Variants in ZNF142 observed in about 807,000 individuals in gnomAD.
ZNF142 encodes the protein zinc finger protein 142 (clone pHZ-49).
A neutral mutation model predicts 132.1 loss-of-function variants in ZNF142; 96 were observed. The observed-to-expected ratio is 0.73, with a 90% CI of 0.62 to 0.86. ZNF142 has a LOEUF of 0.86. Ranked by LOEUF, ZNF142 falls within the 40% of genes least tolerant of loss-of-function variation. ZNF142 has a pLI of 0.00. For synonymous variants in ZNF142, 842 were observed against 890.1 expected, an observed-to-expected ratio of 0.95 and a Z score of 0.96; for missense variants, 2,163 against 2,336.2, an observed-to-expected ratio of 0.93 and a Z score of 1.53.
Position 218,642,174 on chromosome 2 carries a change from C to T in ZNF142, c.4942G>A (p.Gly1648Ser), listed in dbSNP as rs1447064197. The T allele has an allele frequency of 1.9e-6, 3 of 1,614,172 alleles. No individual in the cohort carries two copies. Among genetic ancestry groups the T allele is most frequent in the East Asian group, 2.2e-5 (1 of 44,880 alleles). Residue 1648 changes from glycine (G) to serine (S), a missense_variant, in exon 9 of 11, where the codon GGC becomes AGC. Coordinates refer to ENST00000411696, the MANE Select transcript of ZNF142 (RefSeq NM_001379659.1). The surrounding 1 kb of genome is among the most constrained non-coding windows in gnomAD (Gnocchi z 4.6). The stretch of plus-strand genomic sequence containing the variant: ...TCGGTGCACTTGTAGAGACGAGTGC[C>T]CCCATGCCCTTTCACATGGTGATCT... ...VLDHHVKGHG[G>S]TRLYKCTDCA...
At chr2:218,650,565 A>G in intron 5 of ZNF142, 39 bp from the exon 6 acceptor site, 1 of 1,511,556 alleles carries the variant, frequency 6.6e-7, no homozygotes, top group Non-Finnish European at 8.8e-7. Context: ...TACAGGAGCC[A>G]ATAACAGCAC....
Position 218,643,170 on chromosome 2 carries a change from C to T in ZNF142, c.3946G>A (p.Glu1316Lys). 2 of 1,614,246 alleles carry T rather than the reference C, an allele frequency of 1.2e-6. No individual in the cohort carries two copies. The highest frequency in any genetic ancestry group is 1.7e-6 in the Non-Finnish European group (2 of 1,180,036). The stretch of plus-strand genomic sequence containing the variant: ...ATCTGGTGAGTCCTCAGAGCCCGTT[C>T]CTGCTGGCAGCTAAAGGGACATGTA... ...CPTCPFSCQQ[E>K]RALRTHQIRG... Residue 1316 changes from glutamate to lysine, a missense_variant, in exon 9 of 11, where the codon GAA (glutamate) becomes AAA (lysine). Coordinates refer to ENST00000411696, the MANE Select transcript of ZNF142 (RefSeq NM_001379659.1).
Position 218,642,824 on chromosome 2 carries a change from C to A in ZNF142, c.4292G>T (p.Ser1431Ile). The change falls in exon 9 of 11, where the codon AGC becomes ATC. Residue 1431 changes from serine (S) to isoleucine (I), a missense_variant. Transcript: ENST00000411696. The surrounding 1 kb of genome is among the most constrained non-coding windows in gnomAD (Gnocchi z 4.6). Reference protein sequence around the residue: ...RHTGIGRIPCSSCPQTFGTNS... With the variant: ...RHTGIGRIPCISCPQTFGTNS... ...GGTACCAAACGTCTGGGGGCAAGAG[C>A]TGCAGGGGATGCGGCCAATGCCTGT... is the stretch of plus-strand genomic sequence containing the variant. 1.9e-6 allele frequency: 3 copies of A among 1,614,190 alleles called. No homozygotes were observed. The highest frequency in any genetic ancestry group is 2.5e-6 in the Non-Finnish European group (3 of 1,180,044).
intron 4 of ZNF142, among the ~76,000 whole-genome samples, chr2:218,653,407 G>C: frequency 6.6e-6 from 1 of 151,496 alleles, no homozygotes; most frequent in Non-Finnish European, 1.5e-5. Flanking sequence ...GCGAAACCCC[G>C]TCTCTACTAA....
chr2:218,655,773 A>T (rs1013564958), intron 4 of ZNF142, among the ~76,000 whole-genome samples: 1 of 152,194 alleles, frequency 6.6e-6, no homozygotes. Flanking sequence ...GGTGGTAGAG[A>T]CAGGGTTTTT....
rs1275178693 is a variant in ZNF142, at chr2:218,649,274, G to A, written c.1234C>T (p.Arg412Trp). ...SKSKLKTHLL[R>W]ELGEKAHHCP... The stretch of plus-strand genomic sequence containing the variant: ...TGGTGGGCCTTTTCACCCAGCTCCC[G>A]CAGCAGATGGGTCTTGAGCTTGCTC... The change falls in exon 7 of 11, where the codon CGG becomes TGG. Residue 412 changes from arginine (R) to tryptophan (W), a missense_variant. Coordinates refer to ENST00000411696, the MANE Select transcript of ZNF142 (RefSeq NM_001379659.1). The A allele has an allele frequency of 7.4e-6, 12 of 1,614,126 alleles. No homozygotes were observed. Among genetic ancestry groups the A allele is most frequent in the East Asian group, 2.2e-5 (1 of 44,896 alleles).
chr2:218,644,093 C>T lies in ZNF142; in HGVS notation c.3023G>A (p.Arg1008Lys), dbSNP rs1338927811. 1.2e-6 allele frequency: 2 copies of T among 1,614,108 alleles called. No homozygotes were observed. Among genetic ancestry groups the T allele is most frequent in the Non-Finnish European group, 1.7e-6 (2 of 1,180,006 alleles). Residue 1008 changes from arginine (R) to lysine (K), a missense_variant, in exon 9 of 11, where the codon AGG becomes AAG. This residue lies in a region of ZNF142 where 809 missense variants were observed against 801.7 expected (regional missense o/e 1.01). Transcript: ENST00000411696. The surrounding 1 kb of genome is among the most constrained non-coding windows in gnomAD (Gnocchi z 4.6). ...PESESLLKALRRQDKEQAEAL... is the reference protein window; with the variant it reads ...PESESLLKALKRQDKEQAEAL... The stretch of plus-strand genomic sequence containing the variant: ...CTCTGCTTGTTCTTTGTCCTGTCTC[C>T]TTAGGGCCTTGAGTAATGACTCTGA...
Position 218,649,048 on chromosome 2 carries a change from CG to C in ZNF142, c.1459del (p.Arg487AlafsTer21). The part of the protein sequence containing the change: ...AAAAAEPLPL[R>X]CFQEGCSYAA... ...ATAGCTGCAGCCCTCCTGAAAGCAGCGAAGGGGTAATGGCTCTGCTGCGGCT... is the reference window on the plus strand; with the variant it reads ...ATAGCTGCAGCCCTCCTGAAAGCAGCAAGGGGTAATGGCTCTGCTGCGGCT... On this transcript the variant is annotated frameshift_variant, in exon 7 of 11. Transcript: ENST00000411696. LOFTEE classifies it high-confidence loss of function. 1.9e-6 allele frequency: 3 copies of C among 1,613,518 alleles called. No homozygotes were observed. The highest frequency in any genetic ancestry group is 2.5e-6 in the Non-Finnish European group (3 of 1,180,044).
rs376830215 is a variant in ZNF142 at position 218,649,049 on chromosome 2, G to A, written c.1459C>T (p.Arg487Cys). ...AAAAAEPLPL[R>C]CFQEGCSYAA... ...TAGCTGCAGCCCTCCTGAAAGCAGC[G>A]AAGGGGTAATGGCTCTGCTGCGGCT... The change falls in exon 7 of 11, where the codon CGC becomes TGC. Residue 487 changes from arginine to cysteine, a missense_variant. By Grantham distance (180) the Arg-to-Cys change is radical. Coordinates refer to ENST00000411696, the MANE Select transcript of ZNF142 (RefSeq NM_001379659.1). 75 of 1,613,614 alleles carry A rather than the reference G, an allele frequency of 4.6e-5. No individual in the cohort carries two copies. Among genetic ancestry groups the A allele is most frequent in the Admixed American group, 4.2e-4 (25 of 60,034 alleles).
At position 218,643,239 on chromosome 2, in the gene ZNF142, T is replaced by C. The variant is rs1296652962; in HGVS notation, c.3877A>G (p.Thr1293Ala). The C allele has an allele frequency of 1.2e-6, 2 of 1,614,100 alleles. No individual in the cohort carries two copies. The highest frequency in any genetic ancestry group is 1.3e-5 in the African/African-American group (1 of 74,946). The change falls in exon 9 of 11, where the codon ACA becomes GCA. Residue 1293 changes from threonine (T) to alanine (A), a missense_variant. This residue lies in a region of ZNF142 where 809 missense variants were observed against 801.7 expected (regional missense o/e 1.01). Transcript: ENST00000411696. ...STESSSGDGD[T>A]VLVQKQKGAR... is the part of the protein sequence containing the mutation. ...CCCTTCTGCTTTTGAACCAGAACTG[T>C]ATCCCCATCACCAGAGCTGGACTCT...
rs930757480 is a variant in ZNF142 at position 218,636,009 on chromosome 2, T to C, written c.*2330A>G. The C allele has an allele frequency of 1.3e-6, 2 of 1,594,288 alleles. No homozygotes were observed. Among genetic ancestry groups the C allele is most frequent in the African/African-American group, 2.7e-5 (2 of 74,652 alleles). ...CTTCTAGTCTGTCTTCCATTAAGTA[T>C]AGCATCTGTTATTGCATGTCCCCAC... On this transcript the variant is annotated 3_prime_UTR_variant, in exon 11 of 11. Transcript: ENST00000411696.
chr2:218,633,557 C>G lies in ZNF142; in HGVS notation c.*4782G>C. ...TTGGATGGCCATTATCTTCTTCTCT[C>G]TCAGACTGCTGAGGGTTCAATTCCA... On this transcript the variant is annotated 3_prime_UTR_variant, in exon 11 of 11. Transcript: ENST00000411696. The G allele has an allele frequency of 6.3e-7, 1 of 1,589,192 alleles. No homozygotes were observed. The highest frequency in any genetic ancestry group is 8.6e-7 in the Non-Finnish European group (1 of 1,157,590).
chr2:218,640,061 CAAAAAA>C (rs35136548), intron 10 of ZNF142, among the ~76,000 whole-genome samples: 19 of 44,332 alleles, frequency 4.3e-4, no homozygotes, highest in East Asian at 3.0e-3. Flanking sequence ...GACTCTGTCT[CAAAAAA>C]AAAAAAAAAA....
intron 3 of ZNF142, among the ~76,000 whole-genome samples, chr2:218,658,183 A>G (rs556560215): frequency 2.0e-5 from 3 of 152,226 alleles, no homozygotes; most frequent in African/African-American, 7.2e-5. Flanking sequence ...TTAGTAATTA[A>G]TAAGAATGAT....
Position 218,642,161 on chromosome 2 carries a change from T to C in ZNF142, c.4955A>G (p.Tyr1652Cys). ...GCTGTAAGCACAATCGGTGCACTTG[T>C]AGAGACGAGTGCCCCCATGCCCTTT... The part of the protein sequence containing the change: ...HVKGHGGTRL[Y>C]KCTDCAYSTK... The change falls in exon 9 of 11, where the codon TAC becomes TGC. Residue 1652 changes from tyrosine (Y) to cysteine (C), a missense_variant. Transcript: ENST00000411696. The surrounding 1 kb of genome is among the most constrained non-coding windows in gnomAD (Gnocchi z 4.6). The C allele has an allele frequency of 1.2e-6, 2 of 1,614,176 alleles. No individual in the cohort carries two copies. Among genetic ancestry groups the C allele is most frequent in the Non-Finnish European group, 1.7e-6 (2 of 1,180,036 alleles).
chr2:218,656,278 G>A lies in ZNF142; in HGVS notation c.152C>T (p.Pro51Leu). ...QSPCPSRDPA[P>L]IPTEPGCLLV... ...CAGGCAGCCTGGCTCAGTAGGTATA[G>A]GTGCAGGGTCCCGGGAAGGACAGGG... Residue 51 changes from proline (P) to leucine (L), a missense_variant, in exon 4 of 11, where the codon CCT becomes CTT. Physicochemically the swap from Pro to Leu is moderately conservative, Grantham distance 98. Transcript: ENST00000411696. The A allele has an allele frequency of 1.2e-6, 2 of 1,613,420 alleles. No homozygotes were observed. Among genetic ancestry groups the A allele is most frequent in the Admixed American group, 1.7e-5 (1 of 59,960 alleles).
intron 7 of ZNF142, among the ~76,000 whole-genome samples, chr2:218,647,292 A>C (rs9646857): frequency 6.6e-6 from 1 of 151,298 alleles, no homozygotes; most frequent in Admixed American, 6.6e-5. Context: ...GCATGGTGGT[A>C]GATGCCTGTA....
In ZNF142 at chr2:218,656,440, T is replaced by TG; in HGVS notation, c.-12_-11insC. The TG allele has an allele frequency of 7.1e-7, 1 of 1,406,530 alleles. No individual in the cohort carries two copies. Among genetic ancestry groups the TG allele is most frequent in the South Asian group, 1.9e-5 (1 of 51,972 alleles). The allele number at this position is 1,406,530 out of a possible 1,614,324, so 87.1% of individuals were successfully genotyped here. ...AAGGGGGTCTGTCATCACCACCGACTTGTGTGTTTTGGCTTCTTAAATGCT... is the reference window on the plus strand; with the variant it reads ...AAGGGGGTCTGTCATCACCACCGACTGTGTGTGTTTTGGCTTCTTAAATGCT... On this transcript the variant is annotated 5_prime_UTR_variant, in exon 4 of 11. Coordinates refer to ENST00000411696, the MANE Select transcript of ZNF142 (RefSeq NM_001379659.1).
intron 8 of ZNF142, 54 bp from the exon 9 acceptor site, chr2:218,645,118 G>A (rs984700149): frequency 3.3e-5 from 52 of 1,575,692 alleles, no homozygotes; most frequent in Non-Finnish European, 4.1e-5. Flanking sequence ...CAACAACTAA[G>A]AATCAGTCAG....
Sources: allele counts gnomAD v4.1 joint callset (sites outside exome capture counted in the v4.1 genomes callset), GRCh38; gene constraint gnomAD v4.1.1; regional missense constraint gnomAD v4.1.1; non-coding constraint Gnocchi (gnomAD v3.1); transcripts MANE v1.5; gene names NCBI Gene and HGNC (gene_info 2026-07-23, HGNC 2026-07-21).